The following SYT9 variants were observed in gnomAD, a reference collection of about 807,000 sequenced individuals.
SYT9 encodes synaptotagmin-9.
In SYT9, 22 loss-of-function variants were observed where a neutral mutation model predicts 48.4. That is an observed-to-expected ratio of 0.45 (90% CI 0.32 to 0.65). The LOEUF is 0.65. Among genes scored for constraint, SYT9 ranks in the 30% least tolerant of loss-of-function variants. The probability of loss-of-function intolerance (pLI) is 0.03; values close to 1 mark genes in which losing one functional copy is unlikely to be tolerated. For missense variants in SYT9, 577 were observed against 622.0 expected, an observed-to-expected ratio of 0.93 and a Z score of 0.77; for synonymous variants, 265 against 245.0, an observed-to-expected ratio of 1.08 and a Z score of -0.76.
In SYT9 at chr11:7,418,071, T is replaced by C. The variant is rs1174966298; in HGVS notation, c.1280T>C (p.Val427Ala). ...PVYNEAIVFD[V>A]PPENIDQIHL... Reference sequence around the variant, plus strand: ...TACAACGAAGCCATAGTCTTTGATGTCCCTCCCGAGAACATTGACCAAATC... The same window carrying C: ...TACAACGAAGCCATAGTCTTTGATGCCCCTCCCGAGAACATTGACCAAATC... Residue 427 changes from valine to alanine, a missense_variant, in exon 5 of 7, where the codon GTC becomes GCC. Physicochemically the swap from Val to Ala is moderately conservative, Grantham distance 64. Coordinates refer to ENST00000318881, the MANE Select transcript of SYT9 (RefSeq NM_175733.4). 1.2e-6 allele frequency: 2 copies of C among 1,613,894 alleles called. No individual in the cohort carries two copies. Among genetic ancestry groups the C allele is most frequent in the Non-Finnish European group, 1.7e-6 (2 of 1,180,016 alleles).
chr11:7,316,480 A>T lies in SYT9; in HGVS notation c.1044+2539A>T, dbSNP rs909756774. Among the ~76,000 whole-genome samples, 13 of 152,304 alleles carry T rather than the reference A, an allele frequency of 8.5e-5. No individual in the cohort carries two copies. In the East Asian group the frequency reaches 2.3e-3, roughly 27 times the overall value. Reference sequence around the variant, plus strand: ...GAAATAAGCAGAGCAGCTGTGGCTTATGTATCTTCATTGCTATATAATATT... The same window carrying T: ...GAAATAAGCAGAGCAGCTGTGGCTTTTGTATCTTCATTGCTATATAATATT... On this transcript the variant is annotated intron_variant, in intron 3 of 6. Transcript: ENST00000318881.
chr11:7,408,000 G>C (rs1336904464), intron 3 of SYT9, among the ~76,000 whole-genome samples: 1 of 151,810 alleles, frequency 6.6e-6, no homozygotes, highest in Non-Finnish European at 1.5e-5. Context: ...GAATTGCTTT[G>C]GCTATTCAGG....
intron 3 of SYT9, among the ~76,000 whole-genome samples, chr11:7,367,050 A>G (rs771603647): frequency 4.6e-5 from 6 of 131,858 alleles, no homozygotes; most frequent in Non-Finnish European, 9.8e-5. Flanking sequence ...TCTTATCATT[A>G]CCCTTCTTTC....
chr11:7,251,851 T>C (rs868129066), upstream of SYT9: 37 of 219,292 alleles, frequency 1.7e-4, no homozygotes, highest in African/African-American at 8.5e-4. Context: ...ACTCCTGACC[T>C]GGCCCCGCCC....
chr11:7,283,633 C>A (rs1848543826), intron 1 of SYT9, among the ~76,000 whole-genome samples: 1 of 152,088 alleles, frequency 6.6e-6, no homozygotes, highest in Admixed American at 6.6e-5. Flanking sequence ...GTTTAACTGA[C>A]TTTTTCAATT....
chr11:7,411,591 T>C (rs1041910490), intron 3 of SYT9, among the ~76,000 whole-genome samples: 5 of 152,226 alleles, frequency 3.3e-5, no homozygotes, highest in African/African-American at 1.2e-4. Flanking sequence ...TTTCTTAGCC[T>C]GATGGGGTTT....
rs549625747 is a variant in SYT9 at position 7,275,390 on chromosome 11, G to T, written c.145+23059G>T. 7.9e-5 allele frequency among the ~76,000 whole-genome samples: 12 copies of T among 152,256 alleles called. No individual in the cohort carries two copies. The South Asian group carries it at 2.3e-3, about 29-fold the overall frequency. On this transcript the variant is annotated intron_variant, in intron 1 of 6. Transcript: ENST00000318881. ...AATGACCTGCTAATTGCTAATCCCA[G>T]TGGACACATTTCAGTGGTTGGAATC...
intron 1 of SYT9, among the ~76,000 whole-genome samples, chr11:7,261,947 A>G (rs1052988054): frequency 6.6e-6 from 1 of 152,308 alleles, no homozygotes; most frequent in Middle Eastern, 3.4e-3. Context: ...TTAACAGAAG[A>G]GAGATAACAT....
chr11:7,252,385 G>C lies in SYT9; in HGVS notation c.145+54G>C. 7.3e-7 allele frequency: 1 copy of C among 1,369,178 alleles called. No homozygotes were observed. Among genetic ancestry groups the C allele is most frequent in the Admixed American group, 3.8e-5 (1 of 26,242 alleles). 84.8% of individuals were successfully genotyped at this position (1,369,178 alleles called of 1,614,324 possible). On this transcript the variant is annotated intron_variant, in intron 1 of 6. Transcript: ENST00000318881. The surrounding 1 kb of genome is among the most constrained non-coding windows in gnomAD (Gnocchi z 6.3). ...ACCTAAGGGCCCTGGGCTGGGACTTGGGGCCGCACCGGGGCCTGAGGCAGA... is the reference window on the plus strand; with the variant it reads ...ACCTAAGGGCCCTGGGCTGGGACTTCGGGCCGCACCGGGGCCTGAGGCAGA...
At chr11:7,425,819 A>G (rs1256608279) in intron 6 of SYT9, among the ~76,000 whole-genome samples, 1 of 152,162 alleles carries the variant, frequency 6.6e-6, no homozygotes, top group African/African-American at 2.4e-5. Flanking sequence ...GGAGGGCTAC[A>G]TGCTGCTGCA....
intron 3 of SYT9, among the ~76,000 whole-genome samples, chr11:7,343,505 C>T (rs528655110): frequency 1.3e-5 from 2 of 152,194 alleles, no homozygotes; most frequent in East Asian, 3.9e-4. Flanking sequence ...CCAACAAATT[C>T]CTCATCTTCA....
At chr11:7,336,526 A>G (rs1010298078) in intron 3 of SYT9, among the ~76,000 whole-genome samples, 15 of 152,158 alleles carry the variant, frequency 9.9e-5, no homozygotes, top group Admixed American at 9.8e-4. Flanking sequence ...ATATGGTGTA[A>G]GGAAGGGGTC....
chr11:7,310,980 A>C (rs1849122678), intron 2 of SYT9, among the ~76,000 whole-genome samples: 1 of 152,204 alleles, frequency 6.6e-6, no homozygotes, highest in African/African-American at 2.4e-5. Context: ...ACTACTAAGT[A>C]GCCAAATCCA....
intron 3 of SYT9, among the ~76,000 whole-genome samples, chr11:7,332,017 C>A (rs542337159): frequency 6.6e-6 from 1 of 152,200 alleles, no homozygotes; most frequent in African/African-American, 2.4e-5. Context: ...TCCAATATGG[C>A]GTGTGAATCT....
chr11:7,309,966 T>C (rs1011187431), intron 2 of SYT9, among the ~76,000 whole-genome samples: 8 of 152,224 alleles, frequency 5.3e-5, no homozygotes, highest in Non-Finnish European at 1.2e-4. Context: ...CAGTCTTCGC[T>C]GTCTGCTTTA....
intron 3 of SYT9, among the ~76,000 whole-genome samples, chr11:7,359,136 T>C (rs1406450576): frequency 7.1e-6 from 1 of 141,700 alleles, no homozygotes; most frequent in Non-Finnish European, 1.5e-5. Flanking sequence ...TTACTGAGAA[T>C]GATGATTTCC....
At chr11:7,375,056 T>TAA (rs1394951324) in intron 3 of SYT9, among the ~76,000 whole-genome samples, 1 of 152,140 alleles carries the variant, frequency 6.6e-6, no homozygotes, top group Non-Finnish European at 1.5e-5. Flanking sequence ...TTTTAGGTCT[T>TAA]ACGTTTAAGT....
intron 1 of SYT9, among the ~76,000 whole-genome samples, chr11:7,266,889 G>A (rs749627144): frequency 1.3e-5 from 2 of 152,060 alleles, no homozygotes; most frequent in Non-Finnish European, 2.9e-5. Context: ...GTCAGAAGAG[G>A]ATCAGAGTTA....
At chr11:7,349,249 G>A (rs1381616508) in intron 3 of SYT9, among the ~76,000 whole-genome samples, 4 of 152,096 alleles carry the variant, frequency 2.6e-5, no homozygotes, top group Admixed American at 2.0e-4. Context: ...GGTGATGCCA[G>A]CATTCTGGAA....
Sources: allele counts gnomAD v4.1 joint callset (sites outside exome capture counted in the v4.1 genomes callset), GRCh38; gene constraint gnomAD v4.1.1; non-coding constraint Gnocchi (gnomAD v3.1); transcripts MANE v1.5; gene names NCBI Gene and HGNC (gene_info 2026-07-23, HGNC 2026-07-21).